The following FAM193A variants were observed in gnomAD, a reference collection of about 807,000 sequenced individuals.
The protein encoded by FAM193A is family with sequence similarity 193 member A.
In FAM193A, 22 loss-of-function variants were observed where a neutral mutation model predicts 126.5. The ratio of observed to expected loss-of-function variants is 0.17; its 90% CI spans 0.12 to 0.25. The LOEUF (loss-of-function observed/expected upper bound fraction) is 0.25, where lower values mean the gene tolerates loss of function less well. Among genes scored for constraint, FAM193A ranks in the 10% least tolerant of loss-of-function variants. FAM193A has a pLI of 1.00. For synonymous variants in FAM193A, 761 were observed against 646.8 expected, an observed-to-expected ratio of 1.18 and a Z score of -2.68; for missense variants, 1,675 against 1,672.8, an observed-to-expected ratio of 1.00 and a Z score of -0.02.
intron 2 of FAM193A, among the ~76,000 whole-genome samples, chr4:2,597,364 A>G (rs1201120762): frequency 2.0e-5 from 3 of 152,076 alleles, no homozygotes; most frequent in Non-Finnish European, 4.4e-5. Flanking sequence ...TTTTTTACCA[A>G]TACCATTTTC....
chr4:2,657,945 CT>C, intron 8 of FAM193A, 65 bp downstream of exon 8: 1 of 1,106,372 alleles, frequency 9.0e-7, no homozygotes, highest in Non-Finnish European at 1.4e-6. Flanking sequence ...CAAATGACTT[CT>C]CTGCATGTTG....
chr4:2,679,583 TG>T (rs1173985950), intron 13 of FAM193A, among the ~76,000 whole-genome samples: 1 of 151,912 alleles, frequency 6.6e-6, no homozygotes, highest in East Asian at 1.9e-4. Context: ...TTCTACATGT[TG>T]GTCAGCTGGT....
chr4:2,703,103 T>C (rs1717921956), intron 19 of FAM193A, among the ~76,000 whole-genome samples: 1 of 152,194 alleles, frequency 6.6e-6, no homozygotes, highest in African/African-American at 2.4e-5. Context: ...CTTCATATAT[T>C]CTGGGAATCA....
At chr4:2,715,469 G>A in intron 19 of FAM193A, 2 of 984,714 alleles carry the variant, frequency 2.0e-6, no homozygotes, top group Non-Finnish European at 2.4e-6. Flanking sequence ...AAAAGTTTTT[G>A]ATGAAATCTC....
chr4:2,544,999 C>T (rs965068014), intron 1 of FAM193A, among the ~76,000 whole-genome samples: 1 of 146,864 alleles, frequency 6.8e-6, no homozygotes, highest in African/African-American at 2.5e-5. Flanking sequence ...TTCTTTCTTT[C>T]TTTTTTTTTT....
chr4:2,663,097 T>C lies in FAM193A; in HGVS notation c.1900-12T>C. On this transcript the variant is annotated splice_polypyrimidine_tract_variant and intron_variant, in intron 11 of 20. Coordinates refer to ENST00000637812, the MANE Select transcript of FAM193A (RefSeq NM_001366318.2). Reference sequence around the variant, plus strand: ...TTTGAAAAGTGCAAATTACAAAAGATTGTCTTTAAAGTCTCCTCAGATAAG... The same window carrying C: ...TTTGAAAAGTGCAAATTACAAAAGACTGTCTTTAAAGTCTCCTCAGATAAG... 6.2e-7 allele frequency: 1 copy of C among 1,606,320 alleles called. No individual in the cohort carries two copies. The highest frequency in any genetic ancestry group is 8.5e-7 in the Non-Finnish European group (1 of 1,175,340).
intron 20 of FAM193A, among the ~76,000 whole-genome samples, chr4:2,722,821 T>G (rs1455564355): frequency 6.6e-6 from 1 of 152,106 alleles, no homozygotes; most frequent in African/African-American, 2.4e-5. Context: ...TCATTCAAGT[T>G]TAGAGACAAA....
intron 1 of FAM193A, among the ~76,000 whole-genome samples, chr4:2,560,051 C>G (rs1057408280): frequency 1.3e-5 from 2 of 151,896 alleles, no homozygotes; most frequent in South Asian, 4.2e-4. Flanking sequence ...CTCTGTCTCC[C>G]TGGTTCAAGC....
At chr4:2,665,917 G>A (rs1018389828) in intron 12 of FAM193A, among the ~76,000 whole-genome samples, 2 of 152,126 alleles carry the variant, frequency 1.3e-5, no homozygotes, top group African/African-American at 2.4e-5. Context: ...TGCTATCTCG[G>A]CTCACGGCAA....
At position 2,631,152 on chromosome 4, in the gene FAM193A, A is replaced by T. The variant is rs1215685159; in HGVS notation, c.1021A>T (p.Thr341Ser). ...ALCQAARSIS[T>S]FLGTLENEHL... ...CTGCCAGGCCGCACGCTCCATCAGC[A>T]CCTTCCTTGGCACTCTGGTAAGAGA... The change falls in exon 5 of 21, where the codon ACC (threonine) becomes TCC (serine). Residue 341 changes from threonine to serine, a missense_variant. Around this residue, in one of 4 missense-constraint regions of FAM193A, gnomAD observed 1,186 missense variants for 1,109.2 expected, o/e 1.07. Coordinates refer to ENST00000637812, the MANE Select transcript of FAM193A (RefSeq NM_001366318.2). 2.5e-6 allele frequency: 4 copies of T among 1,610,722 alleles called. No homozygotes were observed. The highest frequency in any genetic ancestry group is 2.5e-6 in the Non-Finnish European group (3 of 1,178,314).
At chr4:2,551,325 T>C (rs1447021860) in intron 1 of FAM193A, among the ~76,000 whole-genome samples, 2 of 152,220 alleles carry the variant, frequency 1.3e-5, no homozygotes, top group Non-Finnish European at 2.9e-5. Flanking sequence ...ACACCAAATC[T>C]GAAAATCTGA....
chr4:2,666,800 C>T (rs1713171583), intron 12 of FAM193A, among the ~76,000 whole-genome samples: 1 of 152,178 alleles, frequency 6.6e-6, no homozygotes, highest in African/African-American at 2.4e-5. Flanking sequence ...TAAAGTTATT[C>T]TATACTGTTA....
chr4:2,659,520 G>A (rs747392779), intron 8 of FAM193A, 38 bp from the exon 9 acceptor site: 3 of 1,379,692 alleles, frequency 2.2e-6, no homozygotes, highest in Non-Finnish European at 1.0e-6. Context: ...CTCGGGGAAG[G>A]GTCTTGCAAG....
intron 2 of FAM193A, among the ~76,000 whole-genome samples, chr4:2,602,903 G>A (rs1200080471): frequency 6.4e-5 from 9 of 140,402 alleles, no homozygotes; most frequent in South Asian, 2.2e-4. Flanking sequence ...CTTGTGATCC[G>A]CCCGCCTCGT....
chr4:2,713,658 G>A (rs1285915210), intron 19 of FAM193A, among the ~76,000 whole-genome samples: 1 of 152,038 alleles, frequency 6.6e-6, no homozygotes, highest in Admixed American at 6.6e-5. Flanking sequence ...TTTGTTGGTG[G>A]TGTTTCTGCT....
At chr4:2,602,397 C>T (rs1741253422) in intron 2 of FAM193A, among the ~76,000 whole-genome samples, 3 of 150,582 alleles carry the variant, frequency 2.0e-5, no homozygotes, top group African/African-American at 7.3e-5. Context: ...TGTTGTCTCC[C>T]AGGCTGGAGT....
chr4:2,568,460 C>T (rs1739097584), intron 1 of FAM193A, among the ~76,000 whole-genome samples: 1 of 152,160 alleles, frequency 6.6e-6, no homozygotes, highest in South Asian at 2.1e-4. Flanking sequence ...TTGCAGGCTA[C>T]AGTGAGCTGT....
Position 2,694,973 on chromosome 4 carries a change from C to T in FAM193A, c.3120C>T (p.Cys1040=), listed in dbSNP as rs954277190. 37 of 1,602,982 alleles carry T rather than the reference C, an allele frequency of 2.3e-5. No individual in the cohort carries two copies. The highest frequency in any genetic ancestry group is 6.9e-5 in the Admixed American group (4 of 58,184). The change falls in exon 17 of 21, where the codon TGC becomes TGT. Residue 1040 remains cysteine (C), a synonymous_variant. Coordinates refer to ENST00000637812, the MANE Select transcript of FAM193A (RefSeq NM_001366318.2). ...CSDPDCEGHR[C]ENGVYDPQQD... ...ACCCTGACTGCGAAGGGCACCGCTG[C>T]GAGAATGGTGTCTACGACCCACAGC...
At chr4:2,646,998 A>G (rs1745214822) in intron 7 of FAM193A, among the ~76,000 whole-genome samples, 166 bp downstream of exon 7, 1 of 152,190 alleles carries the variant, frequency 6.6e-6, no homozygotes, top group African/African-American at 2.4e-5. Context: ...GGTTTTCCGG[A>G]AGGGATGGGA....
Sources: allele counts gnomAD v4.1 joint callset (sites outside exome capture counted in the v4.1 genomes callset), GRCh38; gene constraint gnomAD v4.1.1; regional missense constraint gnomAD v4.1.1; transcripts MANE v1.5; gene names NCBI Gene and HGNC (gene_info 2026-07-23, HGNC 2026-07-21).